The following ZNF140 variants were observed in gnomAD, a reference collection of about 807,000 sequenced individuals.
The protein encoded by ZNF140 is zinc finger protein 140 (clone pHZ-39).
In ZNF140, 13 loss-of-function variants were observed where a neutral mutation model predicts 12.9. The observed-to-expected ratio is 1.01, with a 90% CI of 0.66 to 1.60. The LOEUF (loss-of-function observed/expected upper bound fraction) is 1.60. Among genes scored for constraint, ZNF140 ranks in the 40% most tolerant of loss-of-function variants. The pLI, the probability that ZNF140 is intolerant of heterozygous loss-of-function variation, is 0.00. For missense variants in ZNF140, 531 were observed against 548.8 expected, an observed-to-expected ratio of 0.97 and a Z score of 0.32; for synonymous variants, 214 against 186.7, an observed-to-expected ratio of 1.15 and a Z score of -1.19.
chr12:133,093,717 GTA>G (rs1289337795), intron 4 of ZNF140, among the ~76,000 whole-genome samples: 2 of 151,092 alleles, frequency 1.3e-5, no homozygotes, highest in East Asian at 3.9e-4. Context: ...AAAATTCAAA[GTA>G]TAGAGTGCTA....
chr12:133,095,381 T>C lies in ZNF140; in HGVS notation c.233-10129T>C, dbSNP rs923692684. ...AGCTTACCGCAAGGCTGACTGTGGA[T>C]GTACTTGGGAATCTCTCGTCGGCTG... On this transcript the variant is annotated intron_variant, in intron 4 of 4. Transcript: ENST00000355557. Among the ~76,000 whole-genome samples the C allele has an allele frequency of 3.1e-3, 465 of 150,880 alleles. 26 individuals are homozygous for C. Among genetic ancestry groups the C allele is most frequent in the African/African-American group, 0.011 (441 of 40,668 alleles).
chr12:133,107,371 TTTG>T lies in ZNF140; in HGVS notation c.*723_*725del, dbSNP rs1955636939. 6.6e-6 allele frequency: 1 copy of T among 152,222 alleles called. No individual in the cohort carries two copies. Among genetic ancestry groups the T allele is most frequent in the African/African-American group, 2.4e-5 (1 of 41,458 alleles). 9.4% of individuals were successfully genotyped at this position (152,222 alleles called of 1,614,324 possible). A position where few individuals can be genotyped will look rare whatever the true frequency, so the allele number is the denominator to read the frequency against. On this transcript the variant is annotated 3_prime_UTR_variant, in exon 5 of 5. Transcript: ENST00000355557. ...TATTTTGAGGGAAGGGGGATTCCTT[TTTG>T]TTTTTTAAGTGAATTCAGAAAATGT...
Position 133,083,019 on chromosome 12 carries a change from C to T in ZNF140, c.10-84C>T. ...ACTACTTAGACACATTGCCTAACCT[C>T]CACAGTGAGACTCATTTTATTCCTT... On this transcript the variant is annotated intron_variant, in intron 2 of 4. Transcript: ENST00000355557. 12 of 1,604,304 alleles carry T rather than the reference C, an allele frequency of 7.5e-6. No individual in the cohort carries two copies. In the South Asian group the frequency reaches 1.2e-4, roughly 16 times the overall value.
chr12:133,091,392 G>A (rs1208401451), intron 4 of ZNF140, among the ~76,000 whole-genome samples: 16 of 151,272 alleles, frequency 1.1e-4, no homozygotes, highest in Non-Finnish European at 1.5e-5. Flanking sequence ...GTGAGCTCCA[G>A]GTTGGGTCAA....
chr12:133,105,696 T>C lies in ZNF140; in HGVS notation c.419T>C (p.Val140Ala). The stretch of plus-strand genomic sequence containing the variant: ...GAAAATCAGGGATGTATTAGGAAAG[T>C]AACAGTCTCTCATCAAGAAGCCCTG... ...LQENQGCIRKVTVSHQEALAQ... is the reference protein window; with the variant it reads ...LQENQGCIRKATVSHQEALAQ... The change falls in exon 5 of 5, where the codon GTA becomes GCA. Residue 140 changes from valine (V) to alanine (A), a missense_variant. Val to Ala is a moderately conservative substitution (Grantham distance 64, BLOSUM62 0). Transcript: ENST00000355557. The C allele has an allele frequency of 6.2e-7, 1 of 1,614,168 alleles. No individual in the cohort carries two copies. The highest frequency in any genetic ancestry group is 1.6e-4 in the Middle Eastern group (1 of 6,062).
chr12:133,106,764 A>C lies in ZNF140; in HGVS notation c.*113A>C. ...CCTTATGTGAAAGTGATGACTGTGA[A>C]GTAATATGGCCCACACTTTATTCAC... On this transcript the variant is annotated 3_prime_UTR_variant, in exon 5 of 5. Coordinates refer to ENST00000355557, the MANE Select transcript of ZNF140 (RefSeq NM_003440.4). 1.0e-6 allele frequency: 1 copy of C among 996,316 alleles called. No homozygotes were observed. The highest frequency in any genetic ancestry group is 1.9e-5 in the South Asian group (1 of 53,184). The allele number at this position is 996,316 out of a possible 1,614,324, so 61.7% of individuals were successfully genotyped here.
Position 133,105,582 on chromosome 12 carries a change from T to C in ZNF140, c.305T>C (p.Leu102Ser). ...ATTTATGATGACTCATCCCAGTATT[T>C]GATCATGGAAAGAATTCTAAGTCAA... The part of the protein sequence containing the change: ...NVIYDDSSQY[L>S]IMERILSQGP... Residue 102 changes from leucine to serine, a missense_variant, in exon 5 of 5, where the codon TTG (leucine) becomes TCG (serine). Leu to Ser is a moderately radical substitution (Grantham distance 145, BLOSUM62 -2). Transcript: ENST00000355557. 1 of 1,614,146 alleles carries C rather than the reference T, an allele frequency of 6.2e-7. No individual in the cohort carries two copies. Among genetic ancestry groups the C allele is most frequent in the South Asian group, 1.1e-5 (1 of 91,072 alleles).
chr12:133,082,471 T>G (rs1954535672), intron 2 of ZNF140: 1 of 152,522 alleles, frequency 6.6e-6, no homozygotes, highest in African/African-American at 2.4e-5. Context: ...AAGCAAGGGC[T>G]TATATATTAT....
At chr12:133,095,778 T>C (rs1038029533) in intron 4 of ZNF140, among the ~76,000 whole-genome samples, 22 of 151,914 alleles carry the variant, frequency 1.4e-4, no homozygotes, top group Admixed American at 5.9e-4. Context: ...GAAGGTACTA[T>C]GCCTGGATGT....
At chr12:133,081,452 C>T in intron 2 of ZNF140, 123 bp downstream of exon 2, 1 of 441,326 alleles carries the variant, frequency 2.3e-6, no homozygotes, top group Middle Eastern at 3.7e-4. Context: ...ATCCTGTAAC[C>T]TCAAACTCTT....
Position 133,093,378 on chromosome 12 carries a change from T to C in ZNF140, c.232+9817T>C, listed in dbSNP as rs926801367. 1.6e-5 allele frequency: 11 copies of C among 691,932 alleles called. 2 individuals are homozygous for C. Among genetic ancestry groups the C allele is most frequent in the Non-Finnish European group, 2.6e-5 (10 of 380,488 alleles). The allele number at this position is 691,932 out of a possible 1,614,324, so 42.9% of individuals were successfully genotyped here. ...ACAATCATTAAAGCTGCAAGCAGCA[T>C]ATTCTCTGGAGTTTGTGTTACTCTT... On this transcript the variant is annotated intron_variant, in intron 4 of 4. Coordinates refer to ENST00000355557, the MANE Select transcript of ZNF140 (RefSeq NM_003440.4).
At chr12:133,092,776 G>A (rs1285050533) in intron 4 of ZNF140, among the ~76,000 whole-genome samples, 1 of 151,202 alleles carries the variant, frequency 6.6e-6, no homozygotes, top group African/African-American at 2.5e-5. Context: ...AGTGGGCCTG[G>A]CCCGTACAAT....
In ZNF140 at chr12:133,103,964, T is replaced by G. The variant is rs371569534; in HGVS notation, c.233-1546T>G. Among the ~76,000 whole-genome samples the G allele has an allele frequency of 9.8e-5, 15 of 152,352 alleles. No homozygotes were observed. In the East Asian group the frequency reaches 2.3e-3, roughly 24 times the overall value. On this transcript the variant is annotated intron_variant, in intron 4 of 4. Coordinates refer to ENST00000355557, the MANE Select transcript of ZNF140 (RefSeq NM_003440.4). ...ACTGCCTCCCCATCTTGATCTTTCATGTATTTTGTATACCTACCATATAGG... is the reference window on the plus strand; with the variant it reads ...ACTGCCTCCCCATCTTGATCTTTCAGGTATTTTGTATACCTACCATATAGG...
chr12:133,083,643 G>A, intron 4 of ZNF140, 82 bp downstream of exon 4: 3 of 1,364,938 alleles, frequency 2.2e-6, no homozygotes, highest in Non-Finnish European at 3.1e-6. Context: ...TTAATATGTT[G>A]ATTGGAAAAT....
In ZNF140 at chr12:133,093,278, A is replaced by G. The variant is rs1008804613; in HGVS notation, c.232+9717A>G. 7 of 579,644 alleles carry G rather than the reference A, an allele frequency of 1.2e-5. No homozygotes were observed. The African/African-American group carries it at 1.3e-4, about 11-fold the overall frequency. 35.9% of individuals were successfully genotyped at this position (579,644 alleles called of 1,614,324 possible). A position where few individuals can be genotyped will look rare whatever the true frequency, so the allele number is the denominator to read the frequency against. On this transcript the variant is annotated intron_variant, in intron 4 of 4. Transcript: ENST00000355557. ...AGTAATTGTCTGAATTAAGGGTGGG[A>G]AAGGCACATAGGCCCAGTAAGTATA...
chr12:133,087,962 T>A (rs1188720586), intron 4 of ZNF140, among the ~76,000 whole-genome samples: 4 of 152,026 alleles, frequency 2.6e-5, no homozygotes, highest in Admixed American at 6.6e-5. Context: ...GAAACCCGTC[T>A]CTACTAAAAA....
rs1045805977 is a variant in ZNF140 at position 133,091,062 on chromosome 12, A to T, written c.232+7501A>T. Among the ~76,000 whole-genome samples the T allele has an allele frequency of 6.7e-5, 10 of 148,780 alleles. 1 individual carries two copies. Among genetic ancestry groups the T allele is most frequent in the African/African-American group, 2.5e-4 (10 of 40,034 alleles). On this transcript the variant is annotated intron_variant, in intron 4 of 4. Transcript: ENST00000355557. ...GAGACAGTGGCCTTCCTCTATCTCA[A>T]CTGCAAGAGGCTTTCCTCTTTTACT...
At chr12:133,086,974 T>G (rs1954696974) in intron 4 of ZNF140, among the ~76,000 whole-genome samples, 1 of 152,252 alleles carries the variant, frequency 6.6e-6, no homozygotes, top group Non-Finnish European at 1.5e-5. Context: ...TCTTTCATTT[T>G]TCTCTTTGCT....
At chr12:133,087,612 AG>A (rs1429820675) in intron 4 of ZNF140, among the ~76,000 whole-genome samples, 2 of 152,080 alleles carry the variant, frequency 1.3e-5, no homozygotes, top group Non-Finnish European at 2.9e-5. Context: ...CATTCAGACC[AG>A]CCAGAATTTG....
Sources: allele counts gnomAD v4.1 joint callset (sites outside exome capture counted in the v4.1 genomes callset), GRCh38; gene constraint gnomAD v4.1.1; transcripts MANE v1.5; gene names NCBI Gene and HGNC (gene_info 2026-07-23, HGNC 2026-07-21).